The following PARD3B variants were observed in gnomAD, a reference collection of about 807,000 sequenced individuals.
PARD3B encodes the protein partitioning defective 3 homolog B.
PARD3B carries 103 observed loss-of-function variants against 130.2 expected under a neutral mutation model. The observed-to-expected ratio is 0.79, with a 90% CI of 0.67 to 0.93. The LOEUF (loss-of-function observed/expected upper bound fraction) is 0.93, where lower values mean the gene tolerates loss of function less well. Ranked by LOEUF, PARD3B falls within the 40% of genes least tolerant of loss-of-function variation. The pLI, the probability that PARD3B is intolerant of heterozygous loss-of-function variation, is 0.00. For missense variants in PARD3B, 1,609 were observed against 1,499.2 expected (o/e 1.07, Z -1.21); for synonymous variants, 583 against 553.2 (o/e 1.05, Z -0.76).
At chr2:204,848,086 G>A (rs1041315376) in intron 2 of PARD3B, among the ~76,000 whole-genome samples, 6 of 152,114 alleles carry the variant, frequency 3.9e-5, no homozygotes, top group South Asian at 2.1e-4. Context: ...TTTTATTACA[G>A]TGTATTGTTA....
chr2:205,366,040 C>T lies in PARD3B; in HGVS notation c.2631-34973C>T, dbSNP rs888268804. On this transcript the variant is annotated intron_variant, in intron 18 of 22. Coordinates refer to ENST00000406610, the MANE Select transcript of PARD3B (RefSeq NM_001302769.2). The surrounding 1 kb of genome is among the most constrained non-coding windows in gnomAD (Gnocchi z 5.0). The stretch of plus-strand genomic sequence containing the variant: ...GCAAAAGATTATCCATTTATCCTAT[C>T]TATCTACCCACCCACCCATCTATCC... Among the ~76,000 whole-genome samples, 1 of 152,210 alleles carries T rather than the reference C, an allele frequency of 6.6e-6. No homozygotes were observed. Among genetic ancestry groups the T allele is most frequent in the Admixed American group, 6.5e-5 (1 of 15,292 alleles).
intron 22 of PARD3B, 50 bp downstream of exon 22, chr2:205,553,453 T>G (rs766915446): frequency 6.5e-7 from 1 of 1,548,162 alleles, no homozygotes; most frequent in East Asian, 2.2e-5. Flanking sequence ...AAATGAAGTC[T>G]TTAGAGAAGT....
chr2:205,438,932 C>T (rs371201459), intron 19 of PARD3B, among the ~76,000 whole-genome samples: 3 of 152,208 alleles, frequency 2.0e-5, no homozygotes, highest in East Asian at 3.9e-4. Context: ...TGGTTTTGGT[C>T]TCATGCCTTC....
At chr2:205,284,240 G>T (rs2041301478) in intron 16 of PARD3B, among the ~76,000 whole-genome samples, 1 of 152,068 alleles carries the variant, frequency 6.6e-6, no homozygotes, top group Non-Finnish European at 1.5e-5. Context: ...ACTTCATGAG[G>T]TTCATTATCC....
At chr2:205,457,722 A>G (rs1415762272) in intron 20 of PARD3B, among the ~76,000 whole-genome samples, 3 of 152,040 alleles carry the variant, frequency 2.0e-5, no homozygotes, top group African/African-American at 4.8e-5. Flanking sequence ...TATATTAAAG[A>G]TATCATTCCA....
At chr2:204,639,314 T>C (rs2034993589) in intron 1 of PARD3B, among the ~76,000 whole-genome samples, 1 of 152,186 alleles carries the variant, frequency 6.6e-6, no homozygotes, top group Non-Finnish European at 1.5e-5. Context: ...GAACAAAATT[T>C]CTAGGAAAGT....
intron 20 of PARD3B, among the ~76,000 whole-genome samples, chr2:205,471,164 A>G (rs972832332): frequency 3.3e-5 from 5 of 152,154 alleles, no homozygotes; most frequent in Non-Finnish European, 7.3e-5. Context: ...TCTTGGGCAC[A>G]GTTTCCTAGA....
intron 18 of PARD3B, among the ~76,000 whole-genome samples, chr2:205,330,728 G>A (rs2043093809): frequency 6.6e-6 from 1 of 152,220 alleles, no homozygotes. Context: ...AGAGGAAGTG[G>A]TGTTAGAGGT....
intron 3 of PARD3B, among the ~76,000 whole-genome samples, chr2:204,982,497 G>A (rs1045824452): frequency 1.6e-4 from 24 of 152,300 alleles, no homozygotes; most frequent in African/African-American, 5.3e-4. Flanking sequence ...GCAGCCACCA[G>A]TTCACACTGA....
At chr2:205,026,090 G>T (rs1240843438) in intron 3 of PARD3B, among the ~76,000 whole-genome samples, 1 of 152,152 alleles carries the variant, frequency 6.6e-6, no homozygotes, top group Non-Finnish European at 1.5e-5. Context: ...AGTTATACAT[G>T]TAAACAAATG....
At position 205,470,799 on chromosome 2, in the gene PARD3B, A is replaced by C; in HGVS notation, c.3045-29097A>C. On this transcript the variant is annotated intron_variant, in intron 20 of 22. Coordinates refer to ENST00000406610, the MANE Select transcript of PARD3B (RefSeq NM_001302769.2). This position sits in a 1 kb window ranked among gnomAD's most constrained non-coding sequence, Gnocchi z 4.8. The stretch of plus-strand genomic sequence containing the variant: ...AAAGTCATGTTTGACTCTATTAGGA[A>C]AAATTCTATGGAGTTTACAATAGAA... Among the ~76,000 whole-genome samples, 1 of 152,346 alleles carries C rather than the reference A, an allele frequency of 6.6e-6. No homozygotes were observed.
chr2:205,412,147 A>G (rs934329486), intron 19 of PARD3B, among the ~76,000 whole-genome samples: 1 of 152,166 alleles, frequency 6.6e-6, no homozygotes, highest in Non-Finnish European at 1.5e-5. Flanking sequence ...GCCCTGGAGT[A>G]TAATTACTTA....
At chr2:204,934,377 C>T (rs559956799) in intron 2 of PARD3B, among the ~76,000 whole-genome samples, 57 of 152,120 alleles carry the variant, frequency 3.7e-4, no homozygotes, top group Non-Finnish European at 6.0e-4. Flanking sequence ...CTGCTAGTTT[C>T]GGGGGGAACA....
intron 15 of PARD3B, among the ~76,000 whole-genome samples, chr2:205,232,278 C>T (rs964406650): frequency 3.3e-5 from 5 of 152,074 alleles, no homozygotes; most frequent in African/African-American, 1.2e-4. Flanking sequence ...AGTGAAACCC[C>T]TACGCACACA....
At chr2:205,119,083 T>A (rs752492466) in intron 7 of PARD3B, 37 bp downstream of exon 7, 1 of 1,575,630 alleles carries the variant, frequency 6.3e-7, no homozygotes, top group African/African-American at 1.4e-5. Flanking sequence ...ACTTTCTTGA[T>A]CCCTAGCATG....
chr2:205,061,164 A>G (rs961810340), intron 4 of PARD3B, among the ~76,000 whole-genome samples: 1 of 152,192 alleles, frequency 6.6e-6, no homozygotes, highest in Non-Finnish European at 1.5e-5. Flanking sequence ...TATAGGTAGA[A>G]TAAAGGAAAC....
At chr2:204,668,228 G>A (rs1444183673) in intron 1 of PARD3B, among the ~76,000 whole-genome samples, 5 of 152,174 alleles carry the variant, frequency 3.3e-5, no homozygotes, top group African/African-American at 9.7e-5. Flanking sequence ...GCAGTCAGCT[G>A]GTGACACTTG....
At position 204,677,852 on chromosome 2, in the gene PARD3B, C is replaced by T. The variant is rs1353892785; in HGVS notation, c.121-8329C>T. Among the ~76,000 whole-genome samples, 1 of 152,170 alleles carries T rather than the reference C, an allele frequency of 6.6e-6. No individual in the cohort carries two copies. Among genetic ancestry groups the T allele is most frequent in the Non-Finnish European group, 1.5e-5 (1 of 68,026 alleles). On this transcript the variant is annotated intron_variant, in intron 1 of 22. Transcript: ENST00000406610. This position sits in a 1 kb window ranked among gnomAD's most constrained non-coding sequence, Gnocchi z 4.1. ...CTTCCCATCTTCTGGGACTTCTACACTCCTTTTGTTTTAGGATTTGTCCTT... is the reference window on the plus strand; with the variant it reads ...CTTCCCATCTTCTGGGACTTCTACATTCCTTTTGTTTTAGGATTTGTCCTT...
At chr2:204,627,230 G>T (rs1427438189) in intron 1 of PARD3B, among the ~76,000 whole-genome samples, 1 of 151,988 alleles carries the variant, frequency 6.6e-6, no homozygotes, top group Non-Finnish European at 1.5e-5. Context: ...ACCTAGTCTT[G>T]GGTACTATCT....
Sources: allele counts gnomAD v4.1 joint callset (sites outside exome capture counted in the v4.1 genomes callset), GRCh38; gene constraint gnomAD v4.1.1; non-coding constraint Gnocchi (gnomAD v3.1); transcripts MANE v1.5; gene names NCBI Gene and HGNC (gene_info 2026-07-23, HGNC 2026-07-21).